NCKAP5: variants seen among roughly 807,000 people sequenced by gnomAD.
NCKAP5 encodes NCK associated protein 5.
In NCKAP5, 92 loss-of-function variants were observed where a neutral mutation model predicts 167.0. The ratio of observed to expected loss-of-function variants is 0.55; its 90% CI spans 0.47 to 0.66. The LOEUF is 0.66. Ranked by LOEUF, NCKAP5 falls within the 30% of genes least tolerant of loss-of-function variation. The probability of loss-of-function intolerance (pLI) is 0.00; values close to 1 mark genes in which losing one functional copy is unlikely to be tolerated. For synonymous variants in NCKAP5, 891 were observed against 877.4 expected, an observed-to-expected ratio of 1.02 and a Z score of -0.27; for missense variants, 2,378 against 2,315.0, an observed-to-expected ratio of 1.03 and a Z score of -0.56.
chr2:133,097,594 A>G (rs2081382207), intron 6 of NCKAP5, among the ~76,000 whole-genome samples: 1 of 152,204 alleles, frequency 6.6e-6, no homozygotes. Flanking sequence ...AAGAAAGGAA[A>G]ATGCAAGTTC....
chr2:133,022,702 A>G (rs572927638), intron 6 of NCKAP5, among the ~76,000 whole-genome samples: 1 of 152,284 alleles, frequency 6.6e-6, no homozygotes, highest in Non-Finnish European at 1.5e-5. Context: ...AGATGGTAAT[A>G]TGCTTCTAGA....
At chr2:132,674,738 C>T (rs1022723318) in intron 19 of NCKAP5, among the ~76,000 whole-genome samples, 7 of 152,084 alleles carry the variant, frequency 4.6e-5, no homozygotes, top group South Asian at 4.1e-4. Context: ...AGAGCAGACA[C>T]GGGCAGAATT....
At chr2:132,698,920 G>A (rs982647995) in intron 19 of NCKAP5, among the ~76,000 whole-genome samples, 2 of 152,022 alleles carry the variant, frequency 1.3e-5, no homozygotes, top group Non-Finnish European at 2.9e-5. Context: ...TCTGGGTTAA[G>A]GCCCAGCAAT....
chr2:133,599,280 G>C, the NCKAP5 span, among the ~76,000 whole-genome samples: 36 of 152,304 alleles, frequency 2.4e-4, 1 homozygote, highest in East Asian at 6.6e-3. Flanking sequence ...ATCCTAGAAG[G>C]CACTTTGAGA....
intron 4 of NCKAP5, among the ~76,000 whole-genome samples, chr2:133,239,548 T>C (rs1407677496): frequency 1.3e-5 from 2 of 152,120 alleles, no homozygotes; most frequent in South Asian, 4.1e-4. Flanking sequence ...TATAGGAAAA[T>C]CAAGGTATTT....
At chr2:133,527,551 T>C (rs1685024964) in intron 2 of NCKAP5, among the ~76,000 whole-genome samples, 1 of 151,304 alleles carries the variant, frequency 6.6e-6, no homozygotes, top group Admixed American at 6.6e-5. Flanking sequence ...ATTAAGAGAT[T>C]AAACTTTAAA....
At chr2:133,233,141 G>A (rs751451494) in intron 4 of NCKAP5, among the ~76,000 whole-genome samples, 4 of 152,132 alleles carry the variant, frequency 2.6e-5, no homozygotes, top group Non-Finnish European at 5.9e-5. Context: ...TGTTAAAGAA[G>A]CAATAGAGAC....
chr2:132,904,353 T>A (rs1034832720), intron 8 of NCKAP5, among the ~76,000 whole-genome samples: 2 of 150,108 alleles, frequency 1.3e-5, no homozygotes, highest in Non-Finnish European at 3.0e-5. Context: ...AATAAATAAA[T>A]AAAAATTAAA....
chr2:133,023,242 C>A (rs1318503178), intron 6 of NCKAP5, among the ~76,000 whole-genome samples: 1 of 152,204 alleles, frequency 6.6e-6, no homozygotes, highest in Non-Finnish European at 1.5e-5. Context: ...TGTTAAACAG[C>A]TTCTCTCCAT....
At chr2:132,750,146 A>G (rs1442961078) in intron 16 of NCKAP5, among the ~76,000 whole-genome samples, 9 of 152,216 alleles carry the variant, frequency 5.9e-5, no homozygotes, top group Admixed American at 4.6e-4. Context: ...AAGTTGTATG[A>G]AAGATGTCAA....
At chr2:133,269,307 A>C (rs2089402812) in intron 4 of NCKAP5, among the ~76,000 whole-genome samples, 1 of 152,222 alleles carries the variant, frequency 6.6e-6, no homozygotes, top group Admixed American at 6.5e-5. Context: ...GTACATAAGT[A>C]AATTATAATG....
chr2:133,200,686 TAGG>T (rs1449887543), intron 5 of NCKAP5, among the ~76,000 whole-genome samples: 2 of 152,296 alleles, frequency 1.3e-5, no homozygotes, highest in Non-Finnish European at 2.9e-5. Flanking sequence ...GCCTACAGAA[TAGG>T]AGAACATATT....
At chr2:133,454,356 T>C (rs1691721772) in intron 3 of NCKAP5, among the ~76,000 whole-genome samples, 1 of 152,076 alleles carries the variant, frequency 6.6e-6, no homozygotes, top group African/African-American at 2.4e-5. Flanking sequence ...GTTATCTGAA[T>C]TAGGTCATCA....
chr2:133,210,272 G>A (rs2150158007), intron 5 of NCKAP5, among the ~76,000 whole-genome samples: 1 of 151,422 alleles, frequency 6.6e-6, no homozygotes, highest in South Asian at 2.1e-4. Context: ...ACTTGTAAGT[G>A]TAGAGATTTA....
the NCKAP5 span, among the ~76,000 whole-genome samples, chr2:133,585,089 T>G: frequency 6.6e-6 from 1 of 152,154 alleles, no homozygotes; most frequent in Non-Finnish European, 1.5e-5. Flanking sequence ...GCTATAGTAA[T>G]CATTTCACTA....
At chr2:132,910,378 C>A (rs922131490) in intron 8 of NCKAP5, among the ~76,000 whole-genome samples, 2 of 151,942 alleles carry the variant, frequency 1.3e-5, no homozygotes, top group Non-Finnish European at 2.9e-5. Flanking sequence ...TTTCTGTACC[C>A]ACCCATTAAC....
chr2:133,665,728 C>T, the NCKAP5 span, among the ~76,000 whole-genome samples: 7,348 of 152,122 alleles, frequency 0.048, 448 homozygotes, highest in East Asian at 0.18. Context: ...ACAATATCCG[C>T]GACGTGCGAT....
chr2:132,824,419 C>T (rs1316969631), intron 11 of NCKAP5, among the ~76,000 whole-genome samples: 1 of 152,166 alleles, frequency 6.6e-6, no homozygotes, highest in Non-Finnish European at 1.5e-5. Flanking sequence ...CATATCTGTC[C>T]CTCCTTTATC....
chr2:133,131,907 A>G (rs1477656143), intron 5 of NCKAP5, among the ~76,000 whole-genome samples: 1 of 152,172 alleles, frequency 6.6e-6, no homozygotes, highest in Non-Finnish European at 1.5e-5. Flanking sequence ...TAAAAGAAAC[A>G]TGGACAAGTC....
Sources: allele counts gnomAD v4.1 joint callset (sites outside exome capture counted in the v4.1 genomes callset), GRCh38; gene constraint gnomAD v4.1.1; transcripts MANE v1.5; gene names NCBI Gene and HGNC (gene_info 2026-07-23, HGNC 2026-07-21).